SUGCT: variants seen among roughly 807,000 people sequenced by gnomAD.
SUGCT encodes succinyl-CoA:glutarate-CoA transferase.
SUGCT carries 41 observed loss-of-function variants against 55.0 expected under a neutral mutation model. That is an observed-to-expected ratio of 0.74 (90% CI 0.58 to 0.97). SUGCT has a LOEUF of 0.97. Ranked by LOEUF, SUGCT falls within the 50% of genes least tolerant of loss-of-function variation. The probability of loss-of-function intolerance (pLI) is 0.00; values close to 1 mark genes in which losing one functional copy is unlikely to be tolerated. For synonymous variants in SUGCT, 187 were observed against 200.4 expected, an observed-to-expected ratio of 0.93 and a Z score of 0.56; for missense variants, 568 against 547.8, an observed-to-expected ratio of 1.04 and a Z score of -0.37.
rs1562783062 is a variant in SUGCT, at chr7:40,445,905, T to C, written c.817-3382T>C. Among the ~76,000 whole-genome samples the C allele has an allele frequency of 2.0e-5, 3 of 152,174 alleles. No individual in the cohort carries two copies. In the South Asian group the frequency reaches 6.2e-4, roughly 31 times the overall value. On this transcript the variant is annotated intron_variant, in intron 9 of 13. Transcript: ENST00000335693. ...CTTTAGGCTGATTATATTCTGAGGC[T>C]CAGTTGCCATGAGTTCTTCACTTTT... is the stretch of plus-strand genomic sequence containing the variant.
intron 13 of SUGCT, among the ~76,000 whole-genome samples, chr7:40,800,286 CTTTTT>C (rs11307043): frequency 1.6e-5 from 2 of 124,648 alleles, no homozygotes; most frequent in African/African-American, 3.0e-5. Context: ...GTATTCATGA[CTTTTT>C]TTTTTTTTTT....
At chr7:40,641,717 G>A (rs1800277336) in intron 12 of SUGCT, among the ~76,000 whole-genome samples, 1 of 152,136 alleles carries the variant, frequency 6.6e-6, no homozygotes, top group Admixed American at 6.5e-5. Flanking sequence ...ATGTGTAAAG[G>A]TTTCCCCTTT....
chr7:40,867,728 A>G, the SUGCT span, among the ~76,000 whole-genome samples: 1 of 152,206 alleles, frequency 6.6e-6, no homozygotes, highest in Non-Finnish European at 1.5e-5. Flanking sequence ...GTACATCTTC[A>G]TGTTTGTCTA....
At chr7:40,269,647 A>G (rs1444679235) in intron 7 of SUGCT, among the ~76,000 whole-genome samples, 2 of 151,904 alleles carry the variant, frequency 1.3e-5, no homozygotes, top group African/African-American at 4.8e-5. Context: ...AAATGGGATT[A>G]TTTGTCTTTT....
At chr7:40,805,424 C>G (rs1323333168) in intron 13 of SUGCT, among the ~76,000 whole-genome samples, 2 of 152,166 alleles carry the variant, frequency 1.3e-5, no homozygotes, top group Non-Finnish European at 2.9e-5. Flanking sequence ...ATCTGGCTGG[C>G]TACATGTAAC....
intron 9 of SUGCT, among the ~76,000 whole-genome samples, chr7:40,443,915 G>A (rs1414344585): frequency 1.3e-5 from 2 of 152,128 alleles, no homozygotes; most frequent in African/African-American, 4.8e-5. Context: ...TGTAAGGAAG[G>A]GACCCAGTTT....
chr7:40,890,346 T>A, the SUGCT span, among the ~76,000 whole-genome samples: 137 of 140,320 alleles, frequency 9.8e-4, no homozygotes, highest in Non-Finnish European at 1.7e-3. Context: ...TATATAAATA[T>A]TAATATATTT....
At chr7:40,411,365 C>T (rs898315673) in intron 9 of SUGCT, among the ~76,000 whole-genome samples, 2 of 152,220 alleles carry the variant, frequency 1.3e-5, no homozygotes, top group African/African-American at 4.8e-5. Flanking sequence ...TGTGCTCCAG[C>T]TTGGGCGATA....
chr7:40,342,692 G>T (rs1015069700), intron 9 of SUGCT, among the ~76,000 whole-genome samples: 6 of 151,686 alleles, frequency 4.0e-5, no homozygotes, highest in Admixed American at 3.9e-4. Context: ...GCCTAGGCTG[G>T]AGTGCAGTGG....
intron 12 of SUGCT, among the ~76,000 whole-genome samples, chr7:40,678,318 A>G (rs1784096400): frequency 6.6e-6 from 1 of 152,140 alleles, no homozygotes; most frequent in Admixed American, 6.6e-5. Context: ...TTTTGCACTC[A>G]TAGTAACATT....
At chr7:40,314,941 AC>A (rs1214487673) in intron 8 of SUGCT, among the ~76,000 whole-genome samples, 3 of 152,172 alleles carry the variant, frequency 2.0e-5, no homozygotes, top group Non-Finnish European at 4.4e-5. Flanking sequence ...CCTTGTAAGC[AC>A]GTTGAAGATT....
chr7:40,790,765 T>G (rs1415824818), intron 13 of SUGCT, among the ~76,000 whole-genome samples: 1 of 152,254 alleles, frequency 6.6e-6, no homozygotes, highest in African/African-American at 2.4e-5. Context: ...AAACTCTAAC[T>G]TATCAAGTGA....
chr7:40,801,371 C>T (rs17688414), intron 13 of SUGCT, among the ~76,000 whole-genome samples: 47,431 of 152,022 alleles, frequency 0.31, 7,850 homozygotes, highest in East Asian at 0.43. Flanking sequence ...TGAGATGTAT[C>T]TTGTTAGAGA....
the SUGCT span, among the ~76,000 whole-genome samples, chr7:40,908,382 C>CAAA: frequency 5.0e-4 from 41 of 82,572 alleles, 1 homozygote; most frequent in African/African-American, 1.5e-3. Context: ...GACTCTGTCT[C>CAAA]AAAAAAAAAA....
At chr7:40,437,708 C>T (rs1229333826) in intron 9 of SUGCT, among the ~76,000 whole-genome samples, 3 of 152,148 alleles carry the variant, frequency 2.0e-5, no homozygotes, top group African/African-American at 7.2e-5. Context: ...GATGTACTAG[C>T]ACAGACCCAG....
chr7:40,665,432 A>AAAATAAATAAATAAAT (rs59090658), intron 12 of SUGCT, among the ~76,000 whole-genome samples: 20 of 140,480 alleles, frequency 1.4e-4, no homozygotes, highest in African/African-American at 4.5e-4. Context: ...TCTATCTCAA[A>AAAATAAATAAATAAAT]AAATAAATAA....
In SUGCT at chr7:40,620,186, T is replaced by G. The variant is rs1234685995; in HGVS notation, c.1089+123800T>G. Among the ~76,000 whole-genome samples, 5 of 152,108 alleles carry G rather than the reference T, an allele frequency of 3.3e-5. No individual in the cohort carries two copies. The East Asian group carries it at 7.7e-4, about 23-fold the overall frequency. ...ACAATTGTGATCCCCTTGTTGGGGG[T>G]ATTTACACCTTGGAACCAGCAAATA... On this transcript the variant is annotated intron_variant, in intron 12 of 13. Transcript: ENST00000335693.
the SUGCT span, among the ~76,000 whole-genome samples, chr7:40,886,827 G>C: frequency 6.6e-6 from 1 of 152,186 alleles, no homozygotes; most frequent in Non-Finnish European, 1.5e-5. Context: ...CTACTGACAG[G>C]TCCGAACTAT....
chr7:40,399,076 T>C (rs911812200), intron 9 of SUGCT, among the ~76,000 whole-genome samples: 3 of 152,198 alleles, frequency 2.0e-5, no homozygotes, highest in Non-Finnish European at 4.4e-5. Context: ...GATTATACAT[T>C]ATCACCCTGC....
Sources: gnomAD v4.1 joint callset for allele counts (sites outside exome capture counted in the v4.1 genomes callset) on GRCh38, gnomAD v4.1.1 for gene constraint, MANE v1.5 for transcripts, NCBI Gene and HGNC (gene_info 2026-07-23, HGNC 2026-07-21) for gene names.